DLG2: variants seen among roughly 807,000 people sequenced by gnomAD.
The protein encoded by DLG2 is discs large MAGUK scaffold protein 2.
Under a neutral mutation model 132.5 loss-of-function variants are expected in DLG2, and 45 were observed. That is an observed-to-expected ratio of 0.34 (90% CI 0.27 to 0.44). The LOEUF is 0.44. Among genes scored for constraint, DLG2 ranks in the 20% least tolerant of loss-of-function variants. DLG2 has a pLI of 1.00. For missense variants in DLG2, 1,045 were observed against 1,196.9 expected (o/e 0.87, Z 1.87); for synonymous variants, 424 against 419.6 (o/e 1.01, Z -0.13).
chr11:84,384,785 T>C (rs920844892), intron 7 of DLG2, among the ~76,000 whole-genome samples: 5 of 151,942 alleles, frequency 3.3e-5, no homozygotes, highest in Non-Finnish European at 7.4e-5. Context: ...TGGAACTGGG[T>C]GCTGATTTTC....
chr11:84,038,142 C>T (rs528768525), intron 11 of DLG2, among the ~76,000 whole-genome samples: 21 of 151,932 alleles, frequency 1.4e-4, no homozygotes, highest in Non-Finnish European at 2.8e-4. Flanking sequence ...TTCCACTAGG[C>T]CCCAGTGTGG....
At chr11:84,591,217 G>GAC (rs2099541896) in intron 6 of DLG2, among the ~76,000 whole-genome samples, 5 of 138,462 alleles carry the variant, frequency 3.6e-5, no homozygotes, top group Middle Eastern at 3.6e-3. Flanking sequence ...CTATATATGT[G>GAC]TCTCTCTGTG....
At chr11:84,364,775 G>A (rs1386556692) in intron 7 of DLG2, among the ~76,000 whole-genome samples, 1 of 152,082 alleles carries the variant, frequency 6.6e-6, no homozygotes, top group Admixed American at 6.6e-5. Context: ...TAATCATGTG[G>A]TTTTTGTCTT....
At chr11:85,126,494 G>A (rs750422248) in intron 5 of DLG2, among the ~76,000 whole-genome samples, 16 of 152,116 alleles carry the variant, frequency 1.1e-4, no homozygotes, top group Non-Finnish European at 2.4e-4. Flanking sequence ...TTAATCCCAG[G>A]TTATTAAGAC....
intron 6 of DLG2, among the ~76,000 whole-genome samples, chr11:84,864,645 A>T (rs901977542): frequency 2.0e-5 from 3 of 152,170 alleles, no homozygotes; most frequent in African/African-American, 7.2e-5. Context: ...CAAGTCTACA[A>T]ACATATGTAT....
At position 83,888,515 on chromosome 11, in the gene DLG2, G is replaced by T. The variant is rs1454775753; in HGVS notation, c.1497-14027C>A. Among the ~76,000 whole-genome samples the T allele has an allele frequency of 9.2e-5, 14 of 152,256 alleles. No individual in the cohort carries two copies. The East Asian group carries it at 1.2e-3, about 13-fold the overall frequency. On this transcript the variant is annotated intron_variant, in intron 15 of 27. Coordinates refer to ENST00000376104, the MANE Select transcript of DLG2 (RefSeq NM_001142699.3). ...AGGAAGAATCAATATTGTGAAAATTGCCATACTGCCCAAGGTAATTTATAG... is the reference window on the plus strand; with the variant it reads ...AGGAAGAATCAATATTGTGAAAATTTCCATACTGCCCAAGGTAATTTATAG...
chr11:84,966,438 T>C (rs148191904), intron 6 of DLG2, among the ~76,000 whole-genome samples: 224 of 152,106 alleles, frequency 1.5e-3, no homozygotes, highest in African/African-American at 5.1e-3. Context: ...CAGAAAACAA[T>C]AGTTATTATT....
intron 19 of DLG2, among the ~76,000 whole-genome samples, chr11:83,552,583 A>G (rs1368198095): frequency 6.6e-6 from 1 of 152,156 alleles, no homozygotes; most frequent in African/African-American, 2.4e-5. Context: ...ACCCCTACCT[A>G]CTAAGCAGCC....
intron 6 of DLG2, among the ~76,000 whole-genome samples, chr11:85,094,693 G>C (rs770116855): frequency 6.6e-6 from 1 of 152,242 alleles, no homozygotes; most frequent in Non-Finnish European, 1.5e-5. Flanking sequence ...TGTTGTGGCT[G>C]TTTTGATCTA....
intron 6 of DLG2, among the ~76,000 whole-genome samples, chr11:84,783,112 A>G (rs1003307618): frequency 3.3e-5 from 5 of 152,162 alleles, no homozygotes; most frequent in African/African-American, 7.2e-5. Flanking sequence ...AAAAAAAATC[A>G]ATTGATCTCA....
chr11:85,609,568 C>T (rs2080843357), intron 2 of DLG2, among the ~76,000 whole-genome samples: 1 of 152,202 alleles, frequency 6.6e-6, no homozygotes, highest in Non-Finnish European at 1.5e-5. Flanking sequence ...GAGAAACAAG[C>T]TGCCCCCTCG....
intron 6 of DLG2, among the ~76,000 whole-genome samples, chr11:84,772,515 A>G (rs1302754584): frequency 1.3e-5 from 2 of 152,202 alleles, no homozygotes; most frequent in Non-Finnish European, 2.9e-5. Context: ...TGCACATGGA[A>G]CATACTCCAA....
intron 18 of DLG2, chr11:83,725,169 CCT>C: frequency 4.8e-6 from 2 of 416,566 alleles, no homozygotes; most frequent in East Asian, 7.2e-5. Context: ...ATCTCACTCA[CCT>C]CTTTTTCTTT....
At chr11:84,517,907 C>A (rs1047444193) in intron 7 of DLG2, among the ~76,000 whole-genome samples, 3 of 151,860 alleles carry the variant, frequency 2.0e-5, no homozygotes, top group African/African-American at 7.3e-5. Flanking sequence ...CACAGAAAGA[C>A]AAATATAGCA....
intron 6 of DLG2, among the ~76,000 whole-genome samples, chr11:84,786,286 A>G (rs2072880780): frequency 6.6e-6 from 1 of 152,150 alleles, no homozygotes; most frequent in African/African-American, 2.4e-5. Flanking sequence ...AAAACCAACT[A>G]CTCACTTGAA....
rs188089797 is a variant in DLG2, at chr11:83,995,453, G to C, written c.920-14811C>G. Among the ~76,000 whole-genome samples, 42 of 152,212 alleles carry C rather than the reference G, an allele frequency of 2.8e-4. 1 individual carries two copies. Among genetic ancestry groups the C allele is most frequent in the Non-Finnish European group, 5.6e-4 (38 of 68,002 alleles). ...AAAATTTTAACCATGAAAATGACTT[G>C]ATCAGATTTGGTCTCCCTCCATTTT... On this transcript the variant is annotated intron_variant, in intron 11 of 27. Coordinates refer to ENST00000376104, the MANE Select transcript of DLG2 (RefSeq NM_001142699.3).
chr11:84,491,494 C>A (rs990901215), intron 7 of DLG2, among the ~76,000 whole-genome samples: 1 of 152,068 alleles, frequency 6.6e-6, no homozygotes, highest in African/African-American at 2.4e-5. Flanking sequence ...CAGCAACGTG[C>A]AAACAGACTA....
intron 15 of DLG2, among the ~76,000 whole-genome samples, chr11:83,895,245 C>T (rs951029626): frequency 1.3e-5 from 2 of 150,628 alleles, no homozygotes; most frequent in African/African-American, 2.4e-5. Flanking sequence ...CCGCAACCTC[C>T]GCCTCCAGGG....
chr11:84,560,739 T>G (rs769857033), intron 6 of DLG2, among the ~76,000 whole-genome samples: 40 of 152,022 alleles, frequency 2.6e-4, no homozygotes, highest in Non-Finnish European at 4.6e-4. Context: ...TAATGGAGAG[T>G]TGAGGCAAGA....
Sources: allele counts gnomAD v4.1 joint callset (sites outside exome capture counted in the v4.1 genomes callset), GRCh38; gene constraint gnomAD v4.1.1; transcripts MANE v1.5; gene names NCBI Gene and HGNC (gene_info 2026-07-23, HGNC 2026-07-21).